The following ADAMTS3 variants were observed in gnomAD, a reference collection of about 807,000 sequenced individuals.
ADAMTS3 encodes the protein A disintegrin and metalloproteinase with thrombospondin motifs 3.
In ADAMTS3, 73 loss-of-function variants were observed where a neutral mutation model predicts 129.0. The observed-to-expected ratio is 0.57, with a 90% CI of 0.47 to 0.69. ADAMTS3 has a LOEUF of 0.69. Ranked by LOEUF, ADAMTS3 falls within the 30% of genes least tolerant of loss-of-function variation. The pLI, the probability that ADAMTS3 is intolerant of heterozygous loss-of-function variation, is 0.00. For missense variants in ADAMTS3, 1,457 were observed against 1,514.5 expected (o/e 0.96, Z 0.63); for synonymous variants, 477 against 510.8 (o/e 0.93, Z 0.89).
At chr4:72,464,392 C>G (rs1718863378) in intron 3 of ADAMTS3, among the ~76,000 whole-genome samples, 1 of 151,926 alleles carries the variant, frequency 6.6e-6, no homozygotes, top group African/African-American at 2.4e-5. Context: ...GAATGTCACT[C>G]CTTCATTCCT....
chr4:72,475,400 T>C (rs1237090585), intron 3 of ADAMTS3, among the ~76,000 whole-genome samples: 1 of 151,822 alleles, frequency 6.6e-6, no homozygotes. Context: ...CAAAAACATA[T>C]ATATATTAAC....
intron 3 of ADAMTS3, among the ~76,000 whole-genome samples, chr4:72,533,168 T>C (rs1335071494): frequency 6.6e-6 from 1 of 152,174 alleles, no homozygotes; most frequent in African/African-American, 2.4e-5. Flanking sequence ...TTTCTTTATA[T>C]ACCTATTCTA....
intron 4 of ADAMTS3, among the ~76,000 whole-genome samples, chr4:72,389,652 A>G (rs570637981): frequency 8.1e-4 from 123 of 152,312 alleles, no homozygotes; most frequent in African/African-American, 2.8e-3. Context: ...CAACGTTAAG[A>G]GAAAATTTTG....
intron 3 of ADAMTS3, among the ~76,000 whole-genome samples, chr4:72,482,478 G>A (rs893159239): frequency 6.6e-6 from 1 of 152,036 alleles, no homozygotes; most frequent in Non-Finnish European, 1.5e-5. Flanking sequence ...TGGAAATGAA[G>A]AACAGATTCA....
chr4:72,397,562 T>TACACACACACACACAC (rs35076637), intron 4 of ADAMTS3, among the ~76,000 whole-genome samples: 1,935 of 147,544 alleles, frequency 0.013, 16 homozygotes, highest in African/African-American at 0.016. Flanking sequence ...GAGACTCTAT[T>TACACACACACACACAC]ACACACACAC....
intron 3 of ADAMTS3, among the ~76,000 whole-genome samples, chr4:72,423,960 T>C (rs1289909752): frequency 6.6e-6 from 1 of 152,112 alleles, no homozygotes; most frequent in African/African-American, 2.4e-5. Context: ...GAGGGAATTT[T>C]TATCTCTTTT....
intron 17 of ADAMTS3, among the ~76,000 whole-genome samples, chr4:72,299,051 T>TTGTG (rs1273918691): frequency 8.2e-6 from 1 of 122,294 alleles, no homozygotes; most frequent in Non-Finnish European, 1.6e-5. Context: ...GATATTTGCA[T>TTGTG]TCTGTGTGTG....
chr4:72,419,702 C>T (rs188413778), intron 3 of ADAMTS3, among the ~76,000 whole-genome samples: 3 of 152,176 alleles, frequency 2.0e-5, no homozygotes, highest in East Asian at 3.9e-4. Flanking sequence ...ATGTGGCCCA[C>T]GAAAGCTAAA....
At chr4:72,373,191 T>C (rs1461553310) in intron 4 of ADAMTS3, among the ~76,000 whole-genome samples, 1 of 152,050 alleles carries the variant, frequency 6.6e-6, no homozygotes, top group Non-Finnish European at 1.5e-5. Flanking sequence ...ACCGCATATA[T>C]CAAAAGCTAC....
intron 2 of ADAMTS3, among the ~76,000 whole-genome samples, chr4:72,563,675 A>T (rs1721957912): frequency 6.6e-6 from 1 of 152,206 alleles, no homozygotes; most frequent in South Asian, 2.1e-4. Context: ...TTGAATAATT[A>T]ATTGTATAGC....
At chr4:72,529,696 T>C (rs1268633102) in intron 3 of ADAMTS3, among the ~76,000 whole-genome samples, 2 of 121,812 alleles carry the variant, frequency 1.6e-5, no homozygotes, top group Admixed American at 1.2e-4. Context: ...TTAAATAATA[T>C]ATATTAATAT....
At chr4:72,371,152 A>G (rs894983018) in intron 4 of ADAMTS3, among the ~76,000 whole-genome samples, 2 of 152,076 alleles carry the variant, frequency 1.3e-5, no homozygotes, top group African/African-American at 4.8e-5. Context: ...CAAGGAACCA[A>G]CTCTGCTGAC....
At chr4:72,532,025 T>A (rs942836019) in intron 3 of ADAMTS3, among the ~76,000 whole-genome samples, 3 of 151,102 alleles carry the variant, frequency 2.0e-5, no homozygotes, top group African/African-American at 7.3e-5. Flanking sequence ...TGACTGAGCA[T>A]TGGGAAAGGG....
At chr4:72,294,868 G>A (rs746213659) in intron 19 of ADAMTS3, among the ~76,000 whole-genome samples, 16 of 152,010 alleles carry the variant, frequency 1.1e-4, no homozygotes, top group Non-Finnish European at 1.8e-4. Context: ...GAAGAGAAAC[G>A]TAGTAGGAAT....
At chr4:72,529,906 TAATATATATTA>T in intron 3 of ADAMTS3, among the ~76,000 whole-genome samples, 1 of 56,102 alleles carries the variant, frequency 1.8e-5, no homozygotes, top group South Asian at 5.0e-4. Flanking sequence ...TATATATAAA[TAATATATATTA>T]TAAATATTAT....
chr4:72,292,518 T>G (rs997129741), intron 19 of ADAMTS3, among the ~76,000 whole-genome samples: 1 of 152,180 alleles, frequency 6.6e-6, no homozygotes, highest in Non-Finnish European at 1.5e-5. Flanking sequence ...TCCAGAGGCA[T>G]TTTCCAAAAT....
intron 3 of ADAMTS3, among the ~76,000 whole-genome samples, chr4:72,429,806 C>T (rs955530361): frequency 2.0e-5 from 3 of 152,072 alleles, no homozygotes; most frequent in South Asian, 4.2e-4. Flanking sequence ...ATTCCTTCGG[C>T]GCTTGCTATT....
At chr4:72,404,362 C>T (rs1198817447) in intron 4 of ADAMTS3, among the ~76,000 whole-genome samples, 1 of 151,984 alleles carries the variant, frequency 6.6e-6, no homozygotes, top group Non-Finnish European at 1.5e-5. Flanking sequence ...AATAAACCCA[C>T]ACATATATGG....
chr4:72,310,956 G>C (rs1386093500), intron 14 of ADAMTS3, 92 bp downstream of exon 14: 3 of 1,210,894 alleles, frequency 2.5e-6, no homozygotes, highest in Admixed American at 2.6e-5. Context: ...TGATTTCAAA[G>C]ATAAAATAGT....
Sources: allele counts gnomAD v4.1 joint callset (sites outside exome capture counted in the v4.1 genomes callset), GRCh38; gene constraint gnomAD v4.1.1; transcripts MANE v1.5; gene names NCBI Gene and HGNC (gene_info 2026-07-23, HGNC 2026-07-21).